Variants in ARB2A observed in about 807,000 individuals in gnomAD.
ARB2A encodes the protein cotranscriptional regulator ARB2A.
At chr5:93,698,283 G>T in the ARB2A span, among the ~76,000 whole-genome samples, 1 of 152,124 alleles carries the variant, frequency 6.6e-6, no homozygotes, top group Non-Finnish European at 1.5e-5. Context: ...TTGTTAAAGT[G>T]CCTGTCTACC....
At chr5:93,798,067 T>C in the ARB2A span, among the ~76,000 whole-genome samples, 34 of 151,940 alleles carry the variant, frequency 2.2e-4, 1 homozygote, top group African/African-American at 8.0e-4. Flanking sequence ...AGAAGTATAA[T>C]AAAAGGAGAT....
the ARB2A span, among the ~76,000 whole-genome samples, chr5:93,779,093 G>GTC: frequency 8.0e-6 from 1 of 125,322 alleles, no homozygotes. Flanking sequence ...ATTTCAGAGT[G>GTC]TGTGTGTGTG....
At chr5:93,623,047 G>A in the ARB2A span, among the ~76,000 whole-genome samples, 3 of 152,012 alleles carry the variant, frequency 2.0e-5, no homozygotes, top group Non-Finnish European at 4.4e-5. Context: ...TGATATTTGC[G>A]GGTAGATCTA....
At chr5:93,754,720 T>TG in the ARB2A span, among the ~76,000 whole-genome samples, 6 of 152,224 alleles carry the variant, frequency 3.9e-5, no homozygotes, top group Admixed American at 3.3e-4. Context: ...TTGACTATTT[T>TG]GGGGGAGCAG....
At chr5:93,910,175 T>C in the ARB2A span, among the ~76,000 whole-genome samples, 4 of 150,928 alleles carry the variant, frequency 2.7e-5, no homozygotes, top group South Asian at 2.1e-4. Flanking sequence ...GTAGTAGACA[T>C]ACAGGGCAGA....
chr5:93,792,912 T>C, the ARB2A span, among the ~76,000 whole-genome samples: 1 of 152,036 alleles, frequency 6.6e-6, no homozygotes, highest in Non-Finnish European at 1.5e-5. Context: ...TGAGTATTTA[T>C]ATATAGATTA....
the ARB2A span, among the ~76,000 whole-genome samples, chr5:93,979,692 G>T: frequency 6.6e-6 from 1 of 151,858 alleles, no homozygotes; most frequent in Non-Finnish European, 1.5e-5. Flanking sequence ...ACTCAAGCTG[G>T]CAGGTTTTAT....
chr5:94,067,374 C>T, the ARB2A span, among the ~76,000 whole-genome samples: 643 of 152,100 alleles, frequency 4.2e-3, 3 homozygotes, highest in African/African-American at 0.015. Context: ...TAAAAAGCAT[C>T]CAAATTGGAA....
the ARB2A span, among the ~76,000 whole-genome samples, chr5:94,029,240 C>T: frequency 6.6e-6 from 1 of 152,156 alleles, no homozygotes; most frequent in Non-Finnish European, 1.5e-5. Flanking sequence ...GATTCACCCG[C>T]CTCAGCCTCC....
At chr5:93,653,543 A>AAAAAAAAAAAAAAAAAAAAAAAAAAAAAC in the ARB2A span, among the ~76,000 whole-genome samples, 1 of 133,694 alleles carries the variant, frequency 7.5e-6, no homozygotes, top group Non-Finnish European at 1.6e-5. Context: ...AAAAAAAAAA[A>AAAAAAAAAAAAAAAAAAAAAAAAAAAAAC]AAAAAAAAAA....
At chr5:93,957,284 A>T in the ARB2A span, among the ~76,000 whole-genome samples, 1 of 152,272 alleles carries the variant, frequency 6.6e-6, no homozygotes, top group East Asian at 1.9e-4. Flanking sequence ...GGACAACATA[A>T]CTACATAAAA....
the ARB2A span, among the ~76,000 whole-genome samples, chr5:93,954,909 G>A: frequency 6.6e-6 from 1 of 152,116 alleles, no homozygotes; most frequent in Non-Finnish European, 1.5e-5. Context: ...GATCTGCCTG[G>A]TGTTGCCTTC....
At chr5:93,619,450 G>C in the ARB2A span, 3 of 152,260 alleles carry the variant, frequency 2.0e-5, no homozygotes, top group Admixed American at 2.0e-4. Context: ...GTTGAAATCG[G>C]TTCATAATAT....
At chr5:93,867,647 A>T in the ARB2A span, among the ~76,000 whole-genome samples, 2 of 151,954 alleles carry the variant, frequency 1.3e-5, no homozygotes, top group Non-Finnish European at 2.9e-5. Flanking sequence ...CGATCTCTTG[A>T]CTTCGTGATC....
At chr5:93,867,733 T>G in the ARB2A span, among the ~76,000 whole-genome samples, 1 of 152,032 alleles carries the variant, frequency 6.6e-6, no homozygotes, top group Non-Finnish European at 1.5e-5. Context: ...AGAACAAGAA[T>G]TAAGGAAAGT....
chr5:93,904,591 G>A, the ARB2A span, among the ~76,000 whole-genome samples: 5 of 151,582 alleles, frequency 3.3e-5, no homozygotes, highest in African/African-American at 1.2e-4. Context: ...TAAAATACAT[G>A]GATCATAAAT....
At chr5:93,837,252 TG>T in the ARB2A span, among the ~76,000 whole-genome samples, 1 of 152,182 alleles carries the variant, frequency 6.6e-6, no homozygotes, top group Admixed American at 6.5e-5. Flanking sequence ...CTCCAGATAG[TG>T]ATCTCCAGCT....
the ARB2A span, chr5:94,055,626 T>C: frequency 1.0e-6 from 1 of 985,188 alleles, no homozygotes; most frequent in Non-Finnish European, 1.2e-6. Flanking sequence ...GGGACATATG[T>C]TGACAATTCT....
At chr5:93,953,473 G>T in the ARB2A span, among the ~76,000 whole-genome samples, 10 of 148,228 alleles carry the variant, frequency 6.7e-5, no homozygotes, top group African/African-American at 2.0e-4. Context: ...GGATTGCCAG[G>T]CAGAAACTCT....
Sources: gnomAD v4.1 joint callset for allele counts (sites outside exome capture counted in the v4.1 genomes callset) on GRCh38, gnomAD v4.1.1 for gene constraint, MANE v1.5 for transcripts, NCBI Gene and HGNC (gene_info 2026-07-23, HGNC 2026-07-21) for gene names.